CREBBP: variants seen among roughly 807,000 people sequenced by gnomAD.
CREBBP encodes CREB-binding protein.
A neutral mutation model predicts 265.0 loss-of-function variants in CREBBP; 19 were observed. That is an observed-to-expected ratio of 0.07 (90% CI 0.05 to 0.11). The LOEUF is 0.11. CREBBP is among the 10% of genes least tolerant of loss of function. The probability of loss-of-function intolerance (pLI) is 1.00; values close to 1 mark genes in which losing one functional copy is unlikely to be tolerated. For missense variants in CREBBP, 2,525 were observed against 3,219.0 expected (o/e 0.78, Z 5.22); for synonymous variants, 1,457 against 1,223.7 (o/e 1.19, Z -3.98).
intron 24 of CREBBP, among the ~76,000 whole-genome samples, chr16:3,740,124 G>A (rs923711850): frequency 2.0e-5 from 3 of 152,196 alleles, no homozygotes; most frequent in Non-Finnish European, 2.9e-5. Context: ...GGCACAGCAA[G>A]AGATTAACAA....
intron 11 of CREBBP, among the ~76,000 whole-genome samples, chr16:3,776,253 G>A (rs1013695534): frequency 1.3e-5 from 2 of 152,120 alleles, no homozygotes; most frequent in African/African-American, 4.8e-5. Flanking sequence ...CAAAGCCTGA[G>A]CAAAGCCTCT....
chr16:3,769,875 AT>A (rs869232220), intron 14 of CREBBP, among the ~76,000 whole-genome samples: 237 of 146,734 alleles, frequency 1.6e-3, no homozygotes, highest in African/African-American at 3.9e-3. Flanking sequence ...ACTCAATGGA[AT>A]TTTTTTTTTT....
intron 7 of CREBBP, 71 bp from the exon 8 acceptor site, chr16:3,780,949 T>C (rs1003094351): frequency 8.3e-6 from 13 of 1,562,256 alleles, no homozygotes; most frequent in Admixed American, 3.4e-5. Flanking sequence ...AGTAAGGTTC[T>C]TCTGCCACCA....
chr16:3,791,963 GC>G lies in CREBBP; in HGVS notation c.1330+17del, dbSNP rs1373136919. 6.3e-7 allele frequency: 1 copy of G among 1,576,010 alleles called. No individual in the cohort carries two copies. The highest frequency in any genetic ancestry group is 1.4e-5 in the African/African-American group (1 of 74,036). ...TCTATTCTCATCTCCAAGCTTCTCT[GC>G]CCCCGTGCTCACTTACTTTGTTGGT... On this transcript the variant is annotated intron_variant, in intron 5 of 30. Coordinates refer to ENST00000262367, the MANE Select transcript of CREBBP (RefSeq NM_004380.3).
rs129967 is a variant in CREBBP at position 3,739,536 on chromosome 16, G to A, written c.4280+42C>T. On this transcript the variant is annotated intron_variant, in intron 25 of 30. Coordinates refer to ENST00000262367, the MANE Select transcript of CREBBP (RefSeq NM_004380.3). The stretch of plus-strand genomic sequence containing the variant: ...TAAGAGCCCTGGTCTATCCTAACAC[G>A]GCTCACTGAATGACACGCCCTGGAA... 76,989 of 1,612,982 alleles carry A rather than the reference G, an allele frequency of 0.048. 9,585 individuals carry two copies. Among genetic ancestry groups the A allele is most frequent in the African/African-American group, 0.44 (32,789 of 74,870 alleles).
In CREBBP at chr16:3,810,136, G is replaced by A. The variant is rs112385043; in HGVS notation, c.975+467C>T. Among the ~76,000 whole-genome samples, 1,064 of 152,272 alleles carry A rather than the reference G, an allele frequency of 7.0e-3. 14 individuals carry two copies. The highest frequency in any genetic ancestry group is 0.024 in the African/African-American group (991 of 41,538). ...TAAAATCCCTTCAAACCTCAGGGAG[G>A]ATGAAGACACGTGGAATCATCTATT... On this transcript the variant is annotated intron_variant, in intron 3 of 30. Transcript: ENST00000262367.
intron 1 of CREBBP, among the ~76,000 whole-genome samples, chr16:3,856,238 G>A (rs1472927301): frequency 3.9e-5 from 6 of 151,948 alleles, no homozygotes; most frequent in Non-Finnish European, 7.4e-5. Flanking sequence ...CAATTCTCCC[G>A]CTTCAGCCCC....
chr16:3,740,764 C>G, intron 23 of CREBBP: 2 of 630,348 alleles, frequency 3.2e-6, no homozygotes, highest in Non-Finnish European at 2.8e-6. Context: ...TCCTGAAAAC[C>G]GTTTACGTGC....
intron 14 of CREBBP, 97 bp downstream of exon 14, chr16:3,770,473 G>C: frequency 1.5e-6 from 2 of 1,357,564 alleles, no homozygotes; most frequent in Non-Finnish European, 2.1e-6. Flanking sequence ...TGAAATTATA[G>C]GTGTGAACCA....
In CREBBP at chr16:3,859,834, C is replaced by T. The variant is rs117310981; in HGVS notation, c.86-8825G>A. Among the ~76,000 whole-genome samples the T allele has an allele frequency of 5.9e-3, 893 of 152,332 alleles. 8 individuals are homozygous for T. Among genetic ancestry groups the T allele is most frequent in the Middle Eastern group, 0.017 (5 of 294 alleles). Reference sequence around the variant, plus strand: ...ACATGGCCCTCTCACACGCCTTGCCCTATCACCTGATATTCAGTGGTATCC... The same window carrying T: ...ACATGGCCCTCTCACACGCCTTGCCTTATCACCTGATATTCAGTGGTATCC... On this transcript the variant is annotated intron_variant, in intron 1 of 30. Transcript: ENST00000262367.
intron 3 of CREBBP, among the ~76,000 whole-genome samples, chr16:3,807,326 G>A (rs1441855729): frequency 2.6e-5 from 4 of 152,180 alleles, no homozygotes; most frequent in Non-Finnish European, 5.9e-5. Flanking sequence ...AGGTGATTTG[G>A]CACTGGAGTC....
Position 3,744,905 on chromosome 16 carries a change from A to T in CREBBP, c.3971T>A (p.Phe1324Tyr), listed in dbSNP as rs1246720374. Residue 1324 changes from phenylalanine (F) to tyrosine (Y), a missense_variant, in exon 23 of 31, where the codon TTC becomes TAC. By Grantham distance (22) the Phe-to-Tyr change is conservative. This residue lies in a region of CREBBP where 252 missense variants were observed against 452.5 expected (regional missense o/e 0.56). Coordinates refer to ENST00000262367, the MANE Select transcript of CREBBP (RefSeq NM_004380.3). ...KTGRPRKENK[F>Y]SAKRLQTTRL... ...TTCCCGAAACTTACTCTTAGCACTG[A>T]ATTTGTTTTCTTTTCGAGGTCTGCC... is the stretch of plus-strand genomic sequence containing the variant. 1.2e-6 allele frequency: 2 copies of T among 1,613,862 alleles called. No individual in the cohort carries two copies. Among genetic ancestry groups the T allele is most frequent in the South Asian group, 2.2e-5 (2 of 91,080 alleles).
intron 3 of CREBBP, among the ~76,000 whole-genome samples, chr16:3,803,687 C>G (rs754116531): frequency 3.3e-5 from 5 of 152,056 alleles, no homozygotes; most frequent in Non-Finnish European, 5.9e-5. Flanking sequence ...GAGGGACTTG[C>G]CACTCCCTCC....
chr16:3,825,187 CTA>C (rs1302598197), intron 2 of CREBBP, among the ~76,000 whole-genome samples: 1 of 152,180 alleles, frequency 6.6e-6, no homozygotes, highest in Non-Finnish European at 1.5e-5. Flanking sequence ...TCAGTATTAT[CTA>C]TCTCTTGCTT....
intron 4 of CREBBP, 125 bp from the exon 5 acceptor site, chr16:3,792,219 G>T: frequency 1.2e-6 from 1 of 849,530 alleles, no homozygotes; most frequent in Non-Finnish European, 2.0e-6. Flanking sequence ...ACACAGTATA[G>T]GCAGTCCTCA....
At chr16:3,747,346 C>T (rs1259845477) in intron 21 of CREBBP, among the ~76,000 whole-genome samples, 1 of 152,238 alleles carries the variant, frequency 6.6e-6, no homozygotes, top group Non-Finnish European at 1.5e-5. Context: ...TAACCTCTGC[C>T]TACCAACCAC....
chr16:3,793,773 C>CT (rs1460511739), intron 3 of CREBBP, 147 bp from the exon 4 acceptor site: 1 of 959,232 alleles, frequency 1.0e-6, no homozygotes, highest in East Asian at 2.7e-5. Context: ...CCACTGATGA[C>CT]TTTAAGAAGA....
rs758386187 is a variant in CREBBP at position 3,728,614 on chromosome 16, T to A, written c.6433A>T (p.Met2145Leu). 6.2e-6 allele frequency: 10 copies of A among 1,613,742 alleles called. No homozygotes were observed. Among genetic ancestry groups the A allele is most frequent in the Middle Eastern group, 1.6e-4 (1 of 6,062 alleles). ...QQPSLQNLNA[M>L]QAGVPRPGVP... ...CCGGGCCGCGGCACGCCAGCCTGCATGGCATTCAGGTTCTGCAGGCTGGGC... is the reference window on the plus strand; with the variant it reads ...CCGGGCCGCGGCACGCCAGCCTGCAAGGCATTCAGGTTCTGCAGGCTGGGC... Residue 2145 changes from methionine (M) to leucine (L), a missense_variant, in exon 31 of 31, where the codon ATG becomes TTG. Transcript: ENST00000262367. This position sits in a 1 kb window ranked among gnomAD's most constrained non-coding sequence, Gnocchi z 8.7.
intron 1 of CREBBP, among the ~76,000 whole-genome samples, chr16:3,851,216 A>T (rs556784501): frequency 7.8e-5 from 11 of 141,762 alleles, no homozygotes; most frequent in Non-Finnish European, 1.2e-4. Flanking sequence ...TGAACCCGGG[A>T]GGTGGAGGAT....
Sources: allele counts gnomAD v4.1 joint callset (sites outside exome capture counted in the v4.1 genomes callset), GRCh38; gene constraint gnomAD v4.1.1; regional missense constraint gnomAD v4.1.1; non-coding constraint Gnocchi (gnomAD v3.1); transcripts MANE v1.5; gene names NCBI Gene and HGNC (gene_info 2026-07-23, HGNC 2026-07-21).